GRIK1: variants seen among roughly 807,000 people sequenced by gnomAD.
GRIK1 encodes glutamate receptor ionotropic, kainate 1.
A neutral mutation model predicts 105.7 loss-of-function variants in GRIK1; 69 were observed. The observed-to-expected ratio is 0.65, with a 90% CI of 0.54 to 0.80. The LOEUF is 0.80. GRIK1 is among the 30% of genes least tolerant of loss of function. GRIK1 has a pLI of 0.00. For missense variants in GRIK1, 1,109 were observed against 1,167.3 expected (o/e 0.95, Z 0.73); for synonymous variants, 438 against 431.3 (o/e 1.02, Z -0.19).
intron 1 of GRIK1, among the ~76,000 whole-genome samples, chr21:29,744,827 ATGTACTAT>A (rs1316074784): frequency 6.6e-6 from 1 of 152,186 alleles, no homozygotes; most frequent in African/African-American, 2.4e-5. Context: ...CAGGGCTTAA[ATGTACTAT>A]TTGATTTCCA....
intron 1 of GRIK1, among the ~76,000 whole-genome samples, chr21:29,855,090 C>T (rs1364602215): frequency 1.3e-5 from 2 of 152,182 alleles, no homozygotes; most frequent in Non-Finnish European, 2.9e-5. Context: ...AACTTGGGCT[C>T]TAGATCTGAC....
intron 1 of GRIK1, among the ~76,000 whole-genome samples, chr21:29,930,639 C>T (rs577087331): frequency 1.4e-3 from 207 of 152,244 alleles, no homozygotes; most frequent in African/African-American, 2.2e-3. Context: ...CAATATTCAA[C>T]GGTAAATTAT....
At chr21:29,669,445 AAAG>A (rs1468591829) in intron 4 of GRIK1, among the ~76,000 whole-genome samples, 4 of 152,212 alleles carry the variant, frequency 2.6e-5, no homozygotes, top group African/African-American at 9.6e-5. Context: ...GATCTTATCT[AAAG>A]AAGACCAGCA....
chr21:29,705,912 C>T (rs1205045464), intron 1 of GRIK1, among the ~76,000 whole-genome samples: 3 of 136,590 alleles, frequency 2.2e-5, no homozygotes, highest in Non-Finnish European at 4.6e-5. Flanking sequence ...TTTGCTCTGT[C>T]ACCCAGGCTG....
In GRIK1 at chr21:29,841,151, C is replaced by T. The variant is rs115174782; in HGVS notation, c.118+98232G>A. Among the ~76,000 whole-genome samples, 350 of 152,092 alleles carry T rather than the reference C, an allele frequency of 2.3e-3. 3 individuals carry two copies. The highest frequency in any genetic ancestry group is 8.1e-3 in the African/African-American group (338 of 41,488). ...ATTGTATAGTGTACACACACACTAC[C>T]GTAAATTGGACAGTGAGTAATATTT... On this transcript the variant is annotated intron_variant, in intron 1 of 17. Transcript: ENST00000327783.
chr21:29,553,436 G>C, intron 16 of GRIK1: 1 of 1,389,382 alleles, frequency 7.2e-7, no homozygotes, highest in Non-Finnish European at 9.3e-7. Context: ...CATGAGTTTT[G>C]CTATCCTAAA....
At chr21:29,937,290 A>G (rs1016371235) in intron 1 of GRIK1, among the ~76,000 whole-genome samples, 1 of 152,220 alleles carries the variant, frequency 6.6e-6, no homozygotes, top group Non-Finnish European at 1.5e-5. Flanking sequence ...ACGGGGCAAC[A>G]GTGCTCATGT....
intron 3 of GRIK1, among the ~76,000 whole-genome samples, chr21:29,675,435 A>G (rs1305275225): frequency 6.6e-6 from 1 of 152,174 alleles, no homozygotes; most frequent in African/African-American, 2.4e-5. Context: ...TAACATTGGG[A>G]AAACATTTAA....
chr21:29,545,906 A>G (rs1237500120), intron 16 of GRIK1, among the ~76,000 whole-genome samples: 1 of 152,188 alleles, frequency 6.6e-6, no homozygotes, highest in Non-Finnish European at 1.5e-5. Context: ...TAATTAATTC[A>G]CTTTTGGTTT....
chr21:29,607,399 T>TTA (rs1568878960), intron 7 of GRIK1, among the ~76,000 whole-genome samples: 1 of 138,306 alleles, frequency 7.2e-6, no homozygotes, highest in African/African-American at 2.6e-5. Context: ...CTCTGGAAAT[T>TTA]AAAAAAAAAA....
intron 7 of GRIK1, among the ~76,000 whole-genome samples, chr21:29,609,110 AAAT>A (rs202190416): frequency 0.015 from 2,217 of 147,508 alleles, 27 homozygotes; most frequent in Middle Eastern, 0.046. Flanking sequence ...AAATAATAAT[AAAT>A]AAGATAAAAA....
At chr21:29,796,924 G>A (rs1409695268) in intron 1 of GRIK1, among the ~76,000 whole-genome samples, 1 of 151,878 alleles carries the variant, frequency 6.6e-6, no homozygotes, top group East Asian at 1.9e-4. Context: ...CCTCCAGCCT[G>A]GGTGACAGAG....
chr21:29,560,532 C>CTTTCTTTCTTTCT (rs2090440068), intron 15 of GRIK1, among the ~76,000 whole-genome samples: 8 of 77,486 alleles, frequency 1.0e-4, no homozygotes. Context: ...TTCTTTCTTT[C>CTTTCTTTCTTTCT]TTTCTTTCTT....
At chr21:29,853,449 T>C (rs1190997159) in intron 1 of GRIK1, among the ~76,000 whole-genome samples, 1 of 152,198 alleles carries the variant, frequency 6.6e-6, no homozygotes, top group Non-Finnish European at 1.5e-5. Flanking sequence ...TGAAAGTCTG[T>C]TTATTAGGAA....
intron 1 of GRIK1, among the ~76,000 whole-genome samples, chr21:29,807,948 T>C (rs542187433): frequency 1.1e-4 from 17 of 152,158 alleles, no homozygotes; most frequent in Non-Finnish European, 2.2e-4. Flanking sequence ...GGTCTTCTCA[T>C]TGAGGGGCTT....
intron 1 of GRIK1, among the ~76,000 whole-genome samples, chr21:29,885,865 T>A (rs1437318947): frequency 6.6e-6 from 1 of 152,132 alleles, no homozygotes; most frequent in Non-Finnish European, 1.5e-5. Flanking sequence ...AATTAAACGT[T>A]TAAATTGCTG....
chr21:29,919,881 T>G (rs968871182), intron 1 of GRIK1, among the ~76,000 whole-genome samples: 5 of 152,148 alleles, frequency 3.3e-5, no homozygotes, highest in African/African-American at 4.8e-5. Context: ...AGGACCTCTT[T>G]GTTCCTCCAT....
At chr21:29,649,821 G>A (rs1184516190) in intron 6 of GRIK1, among the ~76,000 whole-genome samples, 1 of 152,158 alleles carries the variant, frequency 6.6e-6, no homozygotes, top group Non-Finnish European at 1.5e-5. Context: ...CCAAACACAG[G>A]TAAAAATGAT....
intron 1 of GRIK1, among the ~76,000 whole-genome samples, chr21:29,809,270 G>A (rs918931332): frequency 6.6e-6 from 1 of 152,134 alleles, no homozygotes; most frequent in Non-Finnish European, 1.5e-5. Context: ...GCAATAAAGT[G>A]AATATTGCAG....
Sources: allele counts gnomAD v4.1 joint callset (sites outside exome capture counted in the v4.1 genomes callset), GRCh38; gene constraint gnomAD v4.1.1; transcripts MANE v1.5; gene names NCBI Gene and HGNC (gene_info 2026-07-23, HGNC 2026-07-21).